Variants in TSPAN5 observed in about 807,000 individuals in gnomAD.
TSPAN5 encodes tetraspanin 5.
A neutral mutation model predicts 37.1 loss-of-function variants in TSPAN5; 10 were observed. That is an observed-to-expected ratio of 0.27 (90% CI 0.17 to 0.46). The LOEUF is 0.46. Ranked by LOEUF, TSPAN5 falls within the 20% of genes least tolerant of loss-of-function variation. The pLI is 1.00. For synonymous variants in TSPAN5, 110 were observed against 118.9 expected (o/e 0.93, Z 0.48); for missense variants, 195 against 326.6 (o/e 0.60, Z 3.11).
intron 2 of TSPAN5, among the ~76,000 whole-genome samples, chr4:98,491,704 G>T (rs531054376): frequency 8.0e-5 from 12 of 150,432 alleles, no homozygotes; most frequent in Middle Eastern, 6.8e-3. Flanking sequence ...AAAAAAAGGT[G>T]GGGGGGAACA....
intron 1 of TSPAN5, among the ~76,000 whole-genome samples, chr4:98,565,970 G>C (rs189767193): frequency 2.0e-4 from 31 of 152,232 alleles, no homozygotes; most frequent in Non-Finnish European, 1.5e-4. Flanking sequence ...AAAGCCAAGT[G>C]AACAATCTAG....
intron 2 of TSPAN5, among the ~76,000 whole-genome samples, chr4:98,504,804 C>A (rs1356344829): frequency 2.0e-5 from 3 of 152,094 alleles, no homozygotes; most frequent in African/African-American, 7.2e-5. Flanking sequence ...ACTGGAGGAG[C>A]CAGTATTTGA....
In TSPAN5 at chr4:98,653,492, G is replaced by A. The variant is rs150875987; in HGVS notation, c.81+4654C>T. Among the ~76,000 whole-genome samples the A allele has an allele frequency of 3.4e-4, 52 of 152,160 alleles. No individual in the cohort carries two copies. In the East Asian group the frequency reaches 8.3e-3, roughly 24 times the overall value. ...CTTGGTTCTCCCAAATCATTCCACC[G>A]TTTCCATTGAGTTCTTTCCTAACAA... On this transcript the variant is annotated intron_variant, in intron 1 of 7. Transcript: ENST00000305798.
At chr4:98,642,818 AAAAAAAGGCTT>A (rs1472696864) in intron 1 of TSPAN5, among the ~76,000 whole-genome samples, 1 of 152,162 alleles carries the variant, frequency 6.6e-6, no homozygotes, top group African/African-American at 2.4e-5. Context: ...AATAATTTTT[AAAAAAAGGCTT>A]ATAGACTAAG....
chr4:98,491,272 G>C (rs1034146806), intron 2 of TSPAN5, among the ~76,000 whole-genome samples: 2 of 152,176 alleles, frequency 1.3e-5, no homozygotes, highest in Non-Finnish European at 2.9e-5. Context: ...AACACAAGAA[G>C]TGAATGTGGA....
intron 1 of TSPAN5, among the ~76,000 whole-genome samples, chr4:98,575,338 T>C (rs1300206580): frequency 6.6e-6 from 1 of 151,814 alleles, no homozygotes; most frequent in East Asian, 1.9e-4. Flanking sequence ...GAGCACATAG[T>C]ATATCTCTAA....
At chr4:98,611,092 A>G (rs1387933861) in intron 1 of TSPAN5, among the ~76,000 whole-genome samples, 1 of 152,216 alleles carries the variant, frequency 6.6e-6, no homozygotes, top group Non-Finnish European at 1.5e-5. Flanking sequence ...CCAGGCATGG[A>G]GGAAGGCAGA....
At position 98,477,610 on chromosome 4, in the gene TSPAN5, G is replaced by A. The variant is rs370777888; in HGVS notation, c.576+1075C>T. Reference sequence around the variant, plus strand: ...AGGGTTCTGCAGCTAGGAGCACACAGAGATGCGTGGAGTAACCTCTCATGT... The same window carrying A: ...AGGGTTCTGCAGCTAGGAGCACACAAAGATGCGTGGAGTAACCTCTCATGT... On this transcript the variant is annotated intron_variant, in intron 5 of 7. Coordinates refer to ENST00000305798, the MANE Select transcript of TSPAN5 (RefSeq NM_005723.4). Among the ~76,000 whole-genome samples the A allele has an allele frequency of 1.1e-3, 173 of 152,076 alleles. 1 individual carries two copies. The South Asian group carries it at 0.017, about 15-fold the overall frequency.
intron 1 of TSPAN5, among the ~76,000 whole-genome samples, chr4:98,508,849 C>A (rs1753538214): frequency 6.6e-6 from 1 of 152,132 alleles, no homozygotes; most frequent in Non-Finnish European, 1.5e-5. Context: ...TTAATTAATT[C>A]TCACTGTATT....
chr4:98,502,127 A>G (rs1309631171), intron 2 of TSPAN5, among the ~76,000 whole-genome samples: 3 of 152,196 alleles, frequency 2.0e-5, no homozygotes, highest in Non-Finnish European at 2.9e-5. Context: ...TTGTTTCTTT[A>G]CCGCAATTGG....
intron 1 of TSPAN5, among the ~76,000 whole-genome samples, chr4:98,631,934 C>T (rs1274222923): frequency 3.3e-5 from 5 of 152,160 alleles, no homozygotes; most frequent in Non-Finnish European, 7.3e-5. Context: ...TCCCCTGGCA[C>T]CGTGCACACT....
intron 2 of TSPAN5, among the ~76,000 whole-genome samples, chr4:98,503,656 C>T (rs894467374): frequency 1.3e-5 from 2 of 152,204 alleles, no homozygotes; most frequent in South Asian, 4.1e-4. Context: ...AACATATATA[C>T]ACCCCTAAGT....
At chr4:98,630,307 C>T (rs1756711533) in intron 1 of TSPAN5, among the ~76,000 whole-genome samples, 2 of 152,182 alleles carry the variant, frequency 1.3e-5, no homozygotes, top group Non-Finnish European at 2.9e-5. Context: ...AACAACATGG[C>T]ACATGTTCTG....
intron 1 of TSPAN5, among the ~76,000 whole-genome samples, chr4:98,601,256 A>G (rs1442515666): frequency 2.0e-5 from 3 of 152,190 alleles, no homozygotes; most frequent in Non-Finnish European, 1.5e-5. Context: ...GCCCCTAACA[A>G]GGGAGTCAGC....
intron 1 of TSPAN5, among the ~76,000 whole-genome samples, chr4:98,573,822 A>G (rs17027776): frequency 0.18 from 26,819 of 152,168 alleles, 2,794 homozygotes; most frequent in East Asian, 0.42. Context: ...ATGTACATAC[A>G]GCTTAAAATT....
chr4:98,568,943 G>A lies in TSPAN5; in HGVS notation c.82-61215C>T, dbSNP rs149264226. ...AGCAATATGTAGTGAGAAAGGGCCT[G>A]AGGCAACCTCCTGAGCCTTGGAGGG... On this transcript the variant is annotated intron_variant, in intron 1 of 7. Coordinates refer to ENST00000305798, the MANE Select transcript of TSPAN5 (RefSeq NM_005723.4). 4.4e-3 allele frequency among the ~76,000 whole-genome samples: 676 copies of A among 152,308 alleles called. 4 individuals carry two copies. Among genetic ancestry groups the A allele is most frequent in the Middle Eastern group, 0.014 (4 of 292 alleles).
intron 1 of TSPAN5, among the ~76,000 whole-genome samples, chr4:98,650,127 T>C (rs905010987): frequency 2.6e-5 from 4 of 152,196 alleles, no homozygotes; most frequent in Non-Finnish European, 4.4e-5. Flanking sequence ...GAAAACAGAA[T>C]GTTTAGGAAT....
At chr4:98,486,619 G>A in intron 3 of TSPAN5, 119 bp downstream of exon 3, 1 of 1,111,512 alleles carries the variant, frequency 9.0e-7, no homozygotes, top group Non-Finnish European at 1.3e-6. Context: ...TAATGACCTG[G>A]GCCCTACTTT....
intron 1 of TSPAN5, among the ~76,000 whole-genome samples, chr4:98,610,214 T>C (rs1357885058): frequency 2.0e-5 from 3 of 152,130 alleles, no homozygotes; most frequent in African/African-American, 7.2e-5. Flanking sequence ...CATCCCATAG[T>C]GGAATGCAAA....
Sources: gnomAD v4.1 joint callset for allele counts (sites outside exome capture counted in the v4.1 genomes callset) on GRCh38, gnomAD v4.1.1 for gene constraint, MANE v1.5 for transcripts, NCBI Gene and HGNC (gene_info 2026-07-23, HGNC 2026-07-21) for gene names.